The following PPP2R5C variants were observed in gnomAD, a reference collection of about 807,000 sequenced individuals.
PPP2R5C encodes serine/threonine-protein phosphatase 2A 56 kDa regulatory subunit gamma isoform.
A neutral mutation model predicts 68.9 loss-of-function variants in PPP2R5C; 7 were observed. That is an observed-to-expected ratio of 0.10 (90% CI 0.06 to 0.19). The LOEUF (loss-of-function observed/expected upper bound fraction) is 0.19. Ranked by LOEUF, PPP2R5C falls within the 10% of genes least tolerant of loss-of-function variation. PPP2R5C has a pLI of 1.00. For missense variants in PPP2R5C, 348 were observed against 641.3 expected (o/e 0.54, Z 4.94); for synonymous variants, 210 against 222.2 (o/e 0.95, Z 0.49).
rs1163658591 is a variant in PPP2R5C, at chr14:101,913,993, G to C, written c.1326+1520G>C. On this transcript the variant is annotated intron_variant, in intron 12 of 13. Coordinates refer to ENST00000334743, the Ensembl canonical transcript of PPP2R5C. The surrounding 1 kb of genome is among the most constrained non-coding windows in gnomAD (Gnocchi z 4.1). ...ATTGTTACATTACAAATCAAGAGCT[G>C]GTTGTTTGTGTTGACAAACATGGCC... Among the ~76,000 whole-genome samples, 1 of 152,190 alleles carries C rather than the reference G, an allele frequency of 6.6e-6. No homozygotes were observed. Among genetic ancestry groups the C allele is most frequent in the African/African-American group, 2.4e-5 (1 of 41,442 alleles).
At chr14:101,898,189 GA>G (rs1355904566) in intron 8 of PPP2R5C, among the ~76,000 whole-genome samples, 2 of 151,910 alleles carry the variant, frequency 1.3e-5, no homozygotes, top group Non-Finnish European at 2.9e-5. Context: ...AAATGGAAGG[GA>G]AAAAAAGCTA....
At chr14:101,857,083 C>A (rs1262557124) in intron 2 of PPP2R5C, among the ~76,000 whole-genome samples, 198 bp downstream of exon 4, 5 of 152,196 alleles carry the variant, frequency 3.3e-5, no homozygotes, top group African/African-American at 1.2e-4. Flanking sequence ...CAGTTGTCTT[C>A]TAGGGACCAG....
At chr14:101,763,184 C>T (rs941434854) in intron 2 of PPP2R5C, among the ~76,000 whole-genome samples, 1 of 151,654 alleles carries the variant, frequency 6.6e-6, no homozygotes, top group Non-Finnish European at 1.5e-5. Context: ...ATTGTGCTTG[C>T]CTATGGGGTT....
chr14:101,836,629 A>G (rs1221292098), intron 1 of PPP2R5C: 8 of 469,834 alleles, frequency 1.7e-5, no homozygotes, highest in East Asian at 6.8e-5. Flanking sequence ...GATTATTTCT[A>G]TAATTTCAGT....
Position 101,835,075 on chromosome 14 carries a change from G to A in PPP2R5C, c.95-21611G>A, listed in dbSNP as rs975929797. ...TCACAGTAAGGAAAAAAAAAATGCA[G>A]CCTGTGTCTTCAGGGACTGGGAGTC... On this transcript the variant is annotated intron_variant, in intron 1 of 13. Transcript: ENST00000334743. This position sits in a 1 kb window ranked among gnomAD's most constrained non-coding sequence, Gnocchi z 5.0. Among the ~76,000 whole-genome samples the A allele has an allele frequency of 1.3e-5, 2 of 152,184 alleles. No homozygotes were observed. The highest frequency in any genetic ancestry group is 3.8e-4 in the East Asian group (2 of 5,198).
intron 12 of PPP2R5C, 60 bp downstream of exon 14, chr14:101,912,533 A>G: frequency 6.5e-7 from 1 of 1,549,716 alleles, no homozygotes; most frequent in South Asian, 1.2e-5. Flanking sequence ...TTTATAAGAT[A>G]GGAATATATG....
intron 13 of PPP2R5C, chr14:101,922,072 G>A (rs763683102): frequency 1.5e-5 from 15 of 985,406 alleles, no homozygotes; most frequent in South Asian, 4.7e-5. Context: ...ATTACTCAAC[G>A]TGTAGAGCAC....
intron 2 of PPP2R5C, among the ~76,000 whole-genome samples, chr14:101,862,640 AT>A (rs1372366551): frequency 6.6e-6 from 1 of 152,194 alleles, no homozygotes; most frequent in Non-Finnish European, 1.5e-5. Flanking sequence ...TTCATCCTAT[AT>A]TTCAACCTAA....
rs909184956 is a variant in PPP2R5C at position 101,906,926 on chromosome 14, G to A, written c.1151+397G>A. On this transcript the variant is annotated intron_variant, in intron 10 of 13. Transcript: ENST00000334743. This position sits in a 1 kb window ranked among gnomAD's most constrained non-coding sequence, Gnocchi z 4.0. ...TGACATGCACCCTGGATGAGCCCCT[G>A]TGTGAGACCCAAGAACCACCCCACA... is the stretch of plus-strand genomic sequence containing the variant. Among the ~76,000 whole-genome samples the A allele has an allele frequency of 3.3e-5, 5 of 152,176 alleles. No individual in the cohort carries two copies. Among genetic ancestry groups the A allele is most frequent in the African/African-American group, 1.2e-4 (5 of 41,446 alleles).
At chr14:101,803,491 A>G (rs2038953632) in intron 3 of PPP2R5C, among the ~76,000 whole-genome samples, 1 of 152,106 alleles carries the variant, frequency 6.6e-6, no homozygotes, top group African/African-American at 2.4e-5. Flanking sequence ...TTGGGAGGCC[A>G]AGGCAGGTGG....
At chr14:101,910,138 T>C (rs1158356273) in intron 11 of PPP2R5C, among the ~76,000 whole-genome samples, 1 of 152,232 alleles carries the variant, frequency 6.6e-6, no homozygotes, top group Non-Finnish European at 1.5e-5. Flanking sequence ...CTCTGGAATC[T>C]AGTCTGTCCT....
chr14:101,876,532 G>A (rs970781551), intron 2 of PPP2R5C, among the ~76,000 whole-genome samples: 5 of 152,064 alleles, frequency 3.3e-5, no homozygotes, highest in African/African-American at 1.2e-4. Flanking sequence ...CATACAGAAA[G>A]GCTGCATGAT....
At chr14:101,815,277 CAG>C (rs1341564711) in intron 1 of PPP2R5C, among the ~76,000 whole-genome samples, 3 of 152,170 alleles carry the variant, frequency 2.0e-5, no homozygotes, top group African/African-American at 7.2e-5. Context: ...CTGCAGACAT[CAG>C]AGTGTTGAGA....
intron 2 of PPP2R5C, among the ~76,000 whole-genome samples, chr14:101,864,814 G>A (rs904285735): frequency 3.9e-5 from 6 of 152,134 alleles, no homozygotes; most frequent in African/African-American, 1.2e-4. Context: ...GATGGAACCC[G>A]AGGACCTGAG....
intron 10 of PPP2R5C, among the ~76,000 whole-genome samples, chr14:101,907,553 C>T (rs1016910444): frequency 6.6e-6 from 1 of 152,140 alleles, no homozygotes; most frequent in African/African-American, 2.4e-5. Flanking sequence ...CTTCTTTCAT[C>T]TCTTTCCATT....
chr14:101,862,875 G>A (rs1031403401), intron 2 of PPP2R5C, among the ~76,000 whole-genome samples: 11 of 148,606 alleles, frequency 7.4e-5, no homozygotes, highest in African/African-American at 2.5e-4. Context: ...ACTAGAGTGC[G>A]GTGGCATGGT....
chr14:101,832,341 ATAAT>A (rs2040799615), intron 1 of PPP2R5C, among the ~76,000 whole-genome samples: 1 of 152,238 alleles, frequency 6.6e-6, no homozygotes, highest in Admixed American at 6.5e-5. Flanking sequence ...TTTTACTTTA[ATAAT>A]TATATATTGA....
chr14:101,874,408 T>C (rs911660528), intron 2 of PPP2R5C, among the ~76,000 whole-genome samples: 6 of 152,260 alleles, frequency 3.9e-5, no homozygotes, highest in African/African-American at 1.4e-4. Flanking sequence ...ATTGAAATTT[T>C]TCGTAATAAA....
intron 5 of PPP2R5C, among the ~76,000 whole-genome samples, chr14:101,887,152 A>C (rs2044579451): frequency 6.6e-6 from 1 of 152,246 alleles, no homozygotes; most frequent in African/African-American, 2.4e-5. Flanking sequence ...TCTATGGTTT[A>C]TCATTACCGT....
Sources: gnomAD v4.1 joint callset for allele counts (sites outside exome capture counted in the v4.1 genomes callset) on GRCh38, gnomAD v4.1.1 for gene constraint, Gnocchi (gnomAD v3.1) non-coding constraint, MANE v1.5 for transcripts, NCBI Gene and HGNC (gene_info 2026-07-23, HGNC 2026-07-21) for gene names.